The following ANO10 variants were observed in gnomAD, a reference collection of about 807,000 sequenced individuals.
ANO10 encodes the protein anoctamin 10, also known as anoctamin-10.
ANO10 carries 77 observed loss-of-function variants against 74.7 expected under a neutral mutation model. That is an observed-to-expected ratio of 1.03 (90% CI 0.86 to 1.25). ANO10 has a LOEUF of 1.25. Ranked by LOEUF, ANO10 falls within the 50% of genes most tolerant of loss-of-function variation. The pLI is 0.00. For missense variants in ANO10, 721 were observed against 778.1 expected (o/e 0.93, Z 0.87); for synonymous variants, 279 against 284.9 (o/e 0.98, Z 0.21).
intron 11 of ANO10, among the ~76,000 whole-genome samples, chr3:43,488,951 A>C (rs1286832353): frequency 7.9e-5 from 12 of 151,274 alleles, no homozygotes; most frequent in Non-Finnish European, 1.6e-4. Context: ...CTGGATTAAG[A>C]AAATGTGGCA....
chr3:43,577,314 A>C, intron 5 of ANO10, 53 bp from the exon 6 acceptor site: 4 of 1,529,900 alleles, frequency 2.6e-6, no homozygotes, highest in Non-Finnish European at 3.6e-6. Context: ...ACACTTTAAA[A>C]AATCATTTCA....
chr3:43,516,725 G>A (rs1257942086), intron 11 of ANO10, among the ~76,000 whole-genome samples: 7 of 152,184 alleles, frequency 4.6e-5, no homozygotes, highest in Non-Finnish European at 1.0e-4. Flanking sequence ...GATTGAAGGA[G>A]TAGGCATTCT....
intron 4 of ANO10, among the ~76,000 whole-genome samples, chr3:43,581,063 T>C (rs1032026355): frequency 6.6e-6 from 1 of 152,224 alleles, no homozygotes; most frequent in African/African-American, 2.4e-5. Context: ...ACCTGTCTAC[T>C]ATTTCCTTAG....
At chr3:43,566,839 C>T (rs899647382) in intron 7 of ANO10, among the ~76,000 whole-genome samples, 2 of 152,234 alleles carry the variant, frequency 1.3e-5, no homozygotes, top group Non-Finnish European at 2.9e-5. Flanking sequence ...TGGAGAATAA[C>T]TTTGACGAGC....
intron 7 of ANO10, among the ~76,000 whole-genome samples, chr3:43,574,369 C>G (rs1339103403): frequency 6.6e-6 from 1 of 151,572 alleles, no homozygotes; most frequent in Non-Finnish European, 1.5e-5. Context: ...CTCCTGAGTT[C>G]AAGCGATTCT....
chr3:43,514,557 T>C (rs183041674), intron 11 of ANO10, among the ~76,000 whole-genome samples: 1 of 152,096 alleles, frequency 6.6e-6, no homozygotes, highest in Admixed American at 6.5e-5. Context: ...TCTCAAAAAT[T>C]AATAGAAAAA....
chr3:43,537,140 C>T (rs2078747345), intron 11 of ANO10, among the ~76,000 whole-genome samples: 1 of 151,950 alleles, frequency 6.6e-6, no homozygotes, highest in South Asian at 2.1e-4. Context: ...AAAGAGAAGA[C>T]AATGCCAAGA....
At chr3:43,654,450 G>A (rs58270956) in intron 1 of ANO10, among the ~76,000 whole-genome samples, 6,911 of 152,146 alleles carry the variant, frequency 0.045, 527 homozygotes, top group African/African-American at 0.16. Context: ...ACCTCTAACT[G>A]AGAGTTAACA....
chr3:43,564,354 T>C (rs888934727), intron 8 of ANO10, among the ~76,000 whole-genome samples: 1 of 151,886 alleles, frequency 6.6e-6, no homozygotes, highest in Non-Finnish European at 1.5e-5. Context: ...ATTTTATGAA[T>C]GTAACAAAAC....
intron 12 of ANO10, among the ~76,000 whole-genome samples, chr3:43,368,842 C>T (rs1007836500): frequency 5.3e-5 from 8 of 152,114 alleles, no homozygotes; most frequent in African/African-American, 9.7e-5. Flanking sequence ...CCACTGTGTG[C>T]GGTAAATTTA....
chr3:43,562,976 T>C (rs1360755076), intron 8 of ANO10, among the ~76,000 whole-genome samples: 4 of 152,098 alleles, frequency 2.6e-5, no homozygotes, highest in South Asian at 2.1e-4. Flanking sequence ...ACTGTGACTA[T>C]ATTAAAGAAA....
chr3:43,467,220 A>G (rs929115873), intron 11 of ANO10, among the ~76,000 whole-genome samples: 1 of 152,248 alleles, frequency 6.6e-6, no homozygotes, highest in Non-Finnish European at 1.5e-5. Flanking sequence ...TATACTTATC[A>G]TAAGACTCAG....
chr3:43,673,418 CT>C (rs550208778), intron 1 of ANO10, among the ~76,000 whole-genome samples: 6 of 152,110 alleles, frequency 3.9e-5, no homozygotes, highest in Non-Finnish European at 8.8e-5. Flanking sequence ...TGGGTATGAA[CT>C]TTTTTTCTGC....
At chr3:43,378,294 AC>A (rs1053218565) in intron 12 of ANO10, among the ~76,000 whole-genome samples, 5 of 152,156 alleles carry the variant, frequency 3.3e-5, no homozygotes, top group African/African-American at 1.2e-4. Flanking sequence ...CTTTCTGCAC[AC>A]CTAGGAAGGT....
intron 4 of ANO10, among the ~76,000 whole-genome samples, chr3:43,597,988 T>C (rs1015170763): frequency 3.3e-5 from 5 of 151,958 alleles, no homozygotes; most frequent in Non-Finnish European, 5.9e-5. Flanking sequence ...ATGTTTAAAG[T>C]GTCTTTTAGG....
chr3:43,604,231 C>G (rs1198774745), intron 2 of ANO10, among the ~76,000 whole-genome samples: 1 of 152,034 alleles, frequency 6.6e-6, no homozygotes, highest in Non-Finnish European at 1.5e-5. Flanking sequence ...TGGGAACATT[C>G]AATATCCTCC....
At chr3:43,624,430 A>G (rs1372433120), upstream of ANO10, among the ~76,000 whole-genome samples, 2 of 152,202 alleles carry the variant, frequency 1.3e-5, no homozygotes, top group East Asian at 1.9e-4. Context: ...TGAATGGTTT[A>G]GCACCATCCC....
intron 4 of ANO10, among the ~76,000 whole-genome samples, chr3:43,592,232 C>A (rs537403681): frequency 4.6e-5 from 7 of 152,334 alleles, no homozygotes; most frequent in Non-Finnish European, 1.0e-4. Context: ...CCCTGTCTGA[C>A]AGCTTTGAAG....
intron 1 of ANO10, among the ~76,000 whole-genome samples, chr3:43,662,346 C>A (rs2083935927): frequency 1.3e-5 from 2 of 152,290 alleles, no homozygotes; most frequent in South Asian, 4.1e-4. Context: ...TAAAAATGTT[C>A]TTTGAAACCA....
Sources: gnomAD v4.1 joint callset for allele counts (sites outside exome capture counted in the v4.1 genomes callset) on GRCh38, gnomAD v4.1.1 for gene constraint, MANE v1.5 for transcripts, NCBI Gene and HGNC (gene_info 2026-07-23, HGNC 2026-07-21) for gene names.